Variants in PIEZO2 observed in about 807,000 individuals in gnomAD.
PIEZO2 encodes piezo-type mechanosensitive ion channel component 2.
PIEZO2 carries 172 observed loss-of-function variants against 337.3 expected under a neutral mutation model. That is an observed-to-expected ratio of 0.51 (90% confidence interval 0.45 to 0.58). PIEZO2 has a LOEUF of 0.58. PIEZO2 is among the 20% of genes least tolerant of loss of function. The pLI is 0.00. For missense variants in PIEZO2, 3,028 were observed against 3,391.3 expected, an observed-to-expected ratio of 0.89 and a Z score of 2.66; for synonymous variants, 1,251 against 1,228.5, an observed-to-expected ratio of 1.02 and a Z score of -0.38.
In PIEZO2 at chr18:10,837,412, C is replaced by G. The variant is rs2144581943; in HGVS notation, c.917+17941G>C. ...CACCTTCCATACCACAGTGCTGATCCAGGTACCTGTAGAGTGCTCCATCAC... is the reference window on the plus strand; with the variant it reads ...CACCTTCCATACCACAGTGCTGATCGAGGTACCTGTAGAGTGCTCCATCAC... On this transcript the variant is annotated intron_variant, in intron 7 of 55. Coordinates refer to ENST00000674853, the MANE Select transcript of PIEZO2 (RefSeq NM_001378183.1). The surrounding 1 kb of genome is among the most constrained non-coding windows in gnomAD (Gnocchi z 4.4). Among the ~76,000 whole-genome samples the G allele has an allele frequency of 6.6e-6, 1 of 152,278 alleles. No individual in the cohort carries two copies. Among genetic ancestry groups the G allele is most frequent in the East Asian group, 1.9e-4 (1 of 5,180 alleles).
chr18:11,020,838 A>G (rs2036284420), intron 2 of PIEZO2, among the ~76,000 whole-genome samples: 1 of 152,204 alleles, frequency 6.6e-6, no homozygotes, highest in Non-Finnish European at 1.5e-5. Flanking sequence ...TAAGAAAGTT[A>G]CTGTTCTGCT....
intron 5 of PIEZO2, among the ~76,000 whole-genome samples, chr18:10,869,544 A>G (rs1311713618): frequency 6.6e-6 from 1 of 152,238 alleles, no homozygotes; most frequent in East Asian, 1.9e-4. Context: ...AATGTGAGTT[A>G]CTGGTTTACT....
Position 11,032,011 on chromosome 18 carries a change from T to C in PIEZO2, c.160+34116A>G, listed in dbSNP as rs146427053. On this transcript the variant is annotated intron_variant, in intron 2 of 55. Transcript: ENST00000674853. This position sits in a 1 kb window ranked among gnomAD's most constrained non-coding sequence, Gnocchi z 4.9. Reference sequence around the variant, plus strand: ...CACACATACGCATACACACAGATATTTACTGCTGATTCCAATGACGATGGC... The same window carrying C: ...CACACATACGCATACACACAGATATCTACTGCTGATTCCAATGACGATGGC... 2.5e-4 allele frequency among the ~76,000 whole-genome samples: 38 copies of C among 152,246 alleles called. No homozygotes were observed. Among genetic ancestry groups the C allele is most frequent in the East Asian group, 1.2e-3 (6 of 5,184 alleles).
At chr18:10,817,920 C>CAAAA (rs34222546) in intron 7 of PIEZO2, among the ~76,000 whole-genome samples, 3 of 64,192 alleles carry the variant, frequency 4.7e-5, no homozygotes, top group African/African-American at 9.9e-5. Context: ...AAGACTCTGT[C>CAAAA]AAAAAAAAAA....
chr18:11,002,356 C>G lies in PIEZO2; in HGVS notation c.161-22696G>C, dbSNP rs1471574363. On this transcript the variant is annotated intron_variant, in intron 2 of 55. Coordinates refer to ENST00000674853, the MANE Select transcript of PIEZO2 (RefSeq NM_001378183.1). This position sits in a 1 kb window ranked among gnomAD's most constrained non-coding sequence, Gnocchi z 4.3. The stretch of plus-strand genomic sequence containing the variant: ...GCATACTTCAGAGTAAAATTTTCAT[C>G]AGTAAAAAGAAACCAAAAGGACTGT... Among the ~76,000 whole-genome samples the G allele has an allele frequency of 6.6e-6, 1 of 152,154 alleles. No homozygotes were observed. Among genetic ancestry groups the G allele is most frequent in the African/African-American group, 2.4e-5 (1 of 41,438 alleles).
At chr18:11,064,874 T>G (rs1280227198) in intron 2 of PIEZO2, among the ~76,000 whole-genome samples, 4 of 152,224 alleles carry the variant, frequency 2.6e-5, no homozygotes, top group Non-Finnish European at 5.9e-5. Flanking sequence ...GAATAGTAGT[T>G]GCCTGTATGC....
chr18:10,787,225 A>G (rs1051812904), intron 15 of PIEZO2, 41 bp from the exon 16 acceptor site: 8 of 1,478,928 alleles, frequency 5.4e-6, no homozygotes, highest in Non-Finnish European at 7.1e-6. Context: ...AGAAAAAATC[A>G]CTTTTAGGAA....
At chr18:11,044,954 G>C (rs1465427272) in intron 2 of PIEZO2, among the ~76,000 whole-genome samples, 1 of 151,920 alleles carries the variant, frequency 6.6e-6, no homozygotes, top group East Asian at 1.9e-4. Flanking sequence ...TTCAACACCA[G>C]ACCAGGCAAC....
intron 11 of PIEZO2, 37 bp downstream of exon 11, chr18:10,800,300 G>A: frequency 1.3e-6 from 2 of 1,507,340 alleles, no homozygotes; most frequent in Non-Finnish European, 1.8e-6. Context: ...TCTAAATGAG[G>A]AAGAAATGCG....
chr18:10,995,237 C>T (rs1416686171), intron 2 of PIEZO2, among the ~76,000 whole-genome samples: 1 of 152,034 alleles, frequency 6.6e-6, no homozygotes, highest in African/African-American at 2.4e-5. Context: ...TGATGTTGAG[C>T]ATTTTTTCAT....
intron 4 of PIEZO2, among the ~76,000 whole-genome samples, chr18:10,885,410 C>T (rs1247150981): frequency 1.3e-5 from 2 of 151,894 alleles, no homozygotes; most frequent in Non-Finnish European, 2.9e-5. Flanking sequence ...GACGACAGAG[C>T]GAGACTCTGT....
chr18:11,008,868 T>A (rs987838926), intron 2 of PIEZO2, among the ~76,000 whole-genome samples: 2 of 152,090 alleles, frequency 1.3e-5, no homozygotes, highest in Non-Finnish European at 2.9e-5. Context: ...TTCCAAGAAG[T>A]GTGTGTTGTG....
At chr18:10,757,898 A>T in intron 27 of PIEZO2, 71 bp downstream of exon 27, 1 of 1,362,020 alleles carries the variant, frequency 7.3e-7, no homozygotes, top group African/African-American at 1.5e-5. Flanking sequence ...TAGCAGAGAA[A>T]GTATAGAGGA....
At chr18:10,848,613 A>G (rs1265738176) in intron 7 of PIEZO2, among the ~76,000 whole-genome samples, 1 of 152,200 alleles carries the variant, frequency 6.6e-6, no homozygotes, top group Non-Finnish European at 1.5e-5. Flanking sequence ...CTCACAATGT[A>G]AGGTGAAAAG....
At position 10,861,815 on chromosome 18, in the gene PIEZO2, C is replaced by A. The variant is rs139863495; in HGVS notation, c.493-4604G>T. Among the ~76,000 whole-genome samples the A allele has an allele frequency of 6.6e-6, 1 of 152,230 alleles. No individual in the cohort carries two copies. Among genetic ancestry groups the A allele is most frequent in the South Asian group, 2.1e-4 (1 of 4,814 alleles). ...GGTGGATCACCTGAGGTCAGGAGAT[C>A]GAGACCTGCCTGGACAACATGGTGA... On this transcript the variant is annotated intron_variant, in intron 5 of 55. Transcript: ENST00000674853. The surrounding 1 kb of genome is among the most constrained non-coding windows in gnomAD (Gnocchi z 4.3).
Position 10,953,017 on chromosome 18 carries a change from G to A in PIEZO2, c.286+26518C>T, listed in dbSNP as rs895216437. On this transcript the variant is annotated intron_variant, in intron 3 of 55. Coordinates refer to ENST00000674853, the MANE Select transcript of PIEZO2 (RefSeq NM_001378183.1). This position sits in a 1 kb window ranked among gnomAD's most constrained non-coding sequence, Gnocchi z 5.2. ...TGTGATGTTAAACATCTTTTAATGT[G>A]TTTATTCATCATCTGTATATCTTCT... Among the ~76,000 whole-genome samples the A allele has an allele frequency of 6.6e-6, 1 of 150,774 alleles. No individual in the cohort carries two copies. Among genetic ancestry groups the A allele is most frequent in the African/African-American group, 2.4e-5 (1 of 40,860 alleles).
intron 36 of PIEZO2, among the ~76,000 whole-genome samples, chr18:10,721,869 G>A (rs1598399879): frequency 2.0e-5 from 3 of 152,238 alleles, no homozygotes; most frequent in Middle Eastern, 6.8e-3. Context: ...AAAAATTTAA[G>A]ACGTAGCCAG....
chr18:10,760,816 G>C, intron 24 of PIEZO2, 95 bp downstream of exon 24: 1 of 967,314 alleles, frequency 1.0e-6, no homozygotes, highest in Non-Finnish European at 1.5e-6. Flanking sequence ...CATGCCTGCA[G>C]ATGTATCACA....
rs1470142981 is a variant in PIEZO2 at position 10,821,499 on chromosome 18, G to A, written c.918-14225C>T. Among the ~76,000 whole-genome samples the A allele has an allele frequency of 6.6e-6, 1 of 151,620 alleles. No individual in the cohort carries two copies. On this transcript the variant is annotated intron_variant, in intron 7 of 55. Transcript: ENST00000674853. The surrounding 1 kb of genome is among the most constrained non-coding windows in gnomAD (Gnocchi z 4.2). ...GATTAAAACAATATTTTTATCAAAGGCTTACTATATATAAACACTATATGA... is the reference window on the plus strand; with the variant it reads ...GATTAAAACAATATTTTTATCAAAGACTTACTATATATAAACACTATATGA...
Sources: gnomAD v4.1 joint callset for allele counts (sites outside exome capture counted in the v4.1 genomes callset) on GRCh38, gnomAD v4.1.1 for gene constraint, Gnocchi (gnomAD v3.1) non-coding constraint, MANE v1.5 for transcripts, NCBI Gene and HGNC (gene_info 2026-07-23, HGNC 2026-07-21) for gene names.